Variants in NUBPL observed in about 807,000 individuals in gnomAD.
NUBPL encodes iron-sulfur cluster transfer protein NUBPL.
NUBPL carries 31 observed loss-of-function variants against 45.7 expected under a neutral mutation model. The ratio of observed to expected loss-of-function variants is 0.68; its 90% confidence interval spans 0.51 to 0.92. The LOEUF is 0.92. Ranked by LOEUF, NUBPL falls within the 40% of genes least tolerant of loss-of-function variation. The probability of loss-of-function intolerance (pLI) is 0.00; values close to 1 mark genes in which losing one functional copy is unlikely to be tolerated. For missense variants in NUBPL, 401 were observed against 398.7 expected (o/e 1.01, Z -0.05); for synonymous variants, 144 against 140.9 (o/e 1.02, Z -0.15).
chr14:31,575,285 T>C (rs573461122), intron 3 of NUBPL, among the ~76,000 whole-genome samples: 49 of 152,358 alleles, frequency 3.2e-4, no homozygotes, highest in African/African-American at 1.1e-3. Context: ...ATATTTTGTA[T>C]CACCACTTAC....
chr14:31,773,880 G>C lies in NUBPL; in HGVS notation c.514-13900G>C, dbSNP rs140264174. Among the ~76,000 whole-genome samples the C allele has an allele frequency of 3.9e-4, 60 of 152,326 alleles. No homozygotes were observed. In the East Asian group the frequency reaches 0.011, roughly 28 times the overall value. On this transcript the variant is annotated intron_variant, in intron 6 of 10. Transcript: ENST00000281081. ...GACTCAAAACTGAGTAGTCAGACAA[G>C]AAGGATAGCAGCAAGGTCTGGTGCA...
At chr14:31,848,611 A>G (rs1003231184) in intron 9 of NUBPL, among the ~76,000 whole-genome samples, 2 of 152,160 alleles carry the variant, frequency 1.3e-5, no homozygotes, top group Non-Finnish European at 2.9e-5. Flanking sequence ...CAGACTTAGC[A>G]CCTCAAAAAT....
intron 8 of NUBPL, among the ~76,000 whole-genome samples, chr14:31,835,112 C>T (rs923928771): frequency 6.6e-6 from 1 of 151,824 alleles, no homozygotes. Flanking sequence ...ATCATGTGGG[C>T]GATAAGGGGA....
chr14:31,800,322 C>T (rs2039562735), intron 7 of NUBPL, among the ~76,000 whole-genome samples: 1 of 152,142 alleles, frequency 6.6e-6, no homozygotes, highest in Non-Finnish European at 1.5e-5. Context: ...TTATTTGGTA[C>T]AGTGAGAATA....
rs1212663505 is a variant in NUBPL, at chr14:31,666,245, A to G, written c.383-7110A>G. On this transcript the variant is annotated intron_variant, in intron 4 of 10. Transcript: ENST00000281081. ...ATATTTAAGATATATATATATATAT[A>G]TATATATATATATATATAATTTTAT... is the stretch of plus-strand genomic sequence containing the variant. Among the ~76,000 whole-genome samples, 91 of 26,444 alleles carry G rather than the reference A, an allele frequency of 3.4e-3. 6 individuals are homozygous for G. The highest frequency in any genetic ancestry group is 0.017 in the African/African-American group (89 of 5,174). 17.3% of individuals were successfully genotyped at this position (26,444 alleles called of 152,430 possible). A position where few individuals can be genotyped will look rare whatever the true frequency, so the allele number is the denominator to read the frequency against.
At chr14:31,810,969 G>T (rs754757710) in intron 7 of NUBPL, among the ~76,000 whole-genome samples, 7 of 152,168 alleles carry the variant, frequency 4.6e-5, no homozygotes, top group Non-Finnish European at 8.8e-5. Flanking sequence ...GGCTTGTAGG[G>T]TTTCTGGCGA....
At chr14:31,733,092 A>G (rs1455668817) in intron 6 of NUBPL, among the ~76,000 whole-genome samples, 1 of 152,132 alleles carries the variant, frequency 6.6e-6, no homozygotes, top group Admixed American at 6.6e-5. Context: ...TCCTATACAG[A>G]TGTCCAGTTT....
At chr14:31,638,873 G>A (rs1203546950) in intron 4 of NUBPL, among the ~76,000 whole-genome samples, 6 of 152,102 alleles carry the variant, frequency 3.9e-5, no homozygotes, top group Middle Eastern at 3.2e-3. Flanking sequence ...CCAGTTGATC[G>A]GATCGGCTCC....
chr14:31,754,865 C>T (rs549206068), intron 6 of NUBPL, among the ~76,000 whole-genome samples: 1 of 106,796 alleles, frequency 9.4e-6, no homozygotes, highest in East Asian at 3.0e-4. Flanking sequence ...CACCCCACAA[C>T]AGTCCCCACA....
chr14:31,727,246 C>T (rs530842600), intron 6 of NUBPL, among the ~76,000 whole-genome samples: 106 of 152,236 alleles, frequency 7.0e-4, no homozygotes, highest in African/African-American at 2.4e-3. Context: ...AATGCTCTTA[C>T]GTATTTCTAA....
At chr14:31,599,402 T>C in intron 4 of NUBPL, 23 bp downstream of exon 4, 1 of 1,506,764 alleles carries the variant, frequency 6.6e-7, no homozygotes. Context: ...GGGATAAATA[T>C]TATAATAATA....
At chr14:31,856,830 C>T (rs1291343280) in intron 10 of NUBPL, among the ~76,000 whole-genome samples, 1 of 152,194 alleles carries the variant, frequency 6.6e-6, no homozygotes, top group Non-Finnish European at 1.5e-5. Context: ...TGTAGTTTTG[C>T]AGAGTATAGC....
At chr14:31,569,704 C>T (rs1274939034) in intron 3 of NUBPL, among the ~76,000 whole-genome samples, 4 of 152,162 alleles carry the variant, frequency 2.6e-5, no homozygotes, top group East Asian at 1.9e-4. Flanking sequence ...GTTAAATTTT[C>T]GGTGAATTTT....
intron 7 of NUBPL, among the ~76,000 whole-genome samples, chr14:31,809,043 A>G (rs2039747605): frequency 6.6e-6 from 1 of 151,722 alleles, no homozygotes; most frequent in African/African-American, 2.4e-5. Flanking sequence ...GGATTTTTGC[A>G]TCGATGTTCA....
chr14:31,649,071 G>A (rs1401514523), intron 4 of NUBPL, among the ~76,000 whole-genome samples: 1 of 152,162 alleles, frequency 6.6e-6, no homozygotes. Flanking sequence ...GCCTCCCAAA[G>A]TGCTGGGATT....
At chr14:31,773,651 A>C (rs1273819571) in intron 6 of NUBPL, among the ~76,000 whole-genome samples, 1 of 152,212 alleles carries the variant, frequency 6.6e-6, no homozygotes, top group South Asian at 2.1e-4. Context: ...GCATGCTTTC[A>C]TGCTCTGGGA....
At chr14:31,624,541 T>A (rs543697484) in intron 4 of NUBPL, among the ~76,000 whole-genome samples, 2 of 152,252 alleles carry the variant, frequency 1.3e-5, no homozygotes, top group South Asian at 4.1e-4. Context: ...GTAGAAGACA[T>A]TTAGCAATGA....
chr14:31,767,591 T>C (rs2038936976), intron 6 of NUBPL, among the ~76,000 whole-genome samples: 2 of 152,114 alleles, frequency 1.3e-5, no homozygotes, highest in African/African-American at 4.8e-5. Flanking sequence ...CACACAAATA[T>C]CAAACCAACA....
At chr14:31,578,655 A>G (rs1406504171) in intron 3 of NUBPL, among the ~76,000 whole-genome samples, 2 of 152,232 alleles carry the variant, frequency 1.3e-5, no homozygotes, top group Admixed American at 1.3e-4. Flanking sequence ...GCTTTGCCAA[A>G]TTAACCACAT....
Sources: allele counts gnomAD v4.1 joint callset (sites outside exome capture counted in the v4.1 genomes callset), GRCh38; gene constraint gnomAD v4.1.1; transcripts MANE v1.5; gene names NCBI Gene and HGNC (gene_info 2026-07-23, HGNC 2026-07-21).